ZC3H12C: variants seen among roughly 807,000 people sequenced by gnomAD.
ZC3H12C encodes the protein zinc finger CCCH-type containing 12C.
In ZC3H12C, 20 loss-of-function variants were observed where a neutral mutation model predicts 76.3. That is an observed-to-expected ratio of 0.26 (90% CI 0.18 to 0.38). ZC3H12C has a LOEUF of 0.38. Ranked by LOEUF, ZC3H12C falls within the 10% of genes least tolerant of loss-of-function variation. ZC3H12C has a pLI of 1.00. For missense variants in ZC3H12C, 874 were observed against 1,086.5 expected, an observed-to-expected ratio of 0.80 and a Z score of 2.75; for synonymous variants, 352 against 399.6, an observed-to-expected ratio of 0.88 and a Z score of 1.42.
intron 3 of ZC3H12C, among the ~76,000 whole-genome samples, chr11:110,158,860 G>A (rs1300829623): frequency 1.3e-5 from 2 of 152,160 alleles, no homozygotes; most frequent in East Asian, 3.8e-4. Flanking sequence ...AAAATGTATT[G>A]CTCACACCTG....
At chr11:110,119,455 C>G (rs1861615057) in intron 1 of ZC3H12C, among the ~76,000 whole-genome samples, 1 of 152,142 alleles carries the variant, frequency 6.6e-6, no homozygotes, top group Non-Finnish European at 1.5e-5. Context: ...GCTTGAGAAG[C>G]ATTGTCTTCT....
At position 110,165,199 on chromosome 11, in the gene ZC3H12C, A is replaced by C. The variant is rs1591488939; in HGVS notation, c.2114A>C (p.His705Pro). Residue 705 changes from histidine to proline, a missense_variant, in exon 6 of 6, where the codon CAC becomes CCC. Physicochemically the swap from His to Pro is moderately conservative, Grantham distance 77 (BLOSUM62 -2). Around this residue, in one of 3 missense-constraint regions of ZC3H12C, gnomAD observed 395 missense variants for 434.4 expected, o/e 0.91. Transcript: ENST00000278590. ...PKFHHKPPLP[H>P]LALHLPHSAV... ...TTCCATCACAAGCCTCCTCTTCCGC[A>C]CCTGGCTCTGCACCTGCCGCACTCC... is the stretch of plus-strand genomic sequence containing the variant. 1 of 1,613,848 alleles carries C rather than the reference A, an allele frequency of 6.2e-7. No homozygotes were observed. Among genetic ancestry groups the C allele is most frequent in the Non-Finnish European group, 8.5e-7 (1 of 1,179,874 alleles).
At chr11:110,139,869 C>CTTTTTTTTTTTTT (rs58867910) in intron 2 of ZC3H12C, among the ~76,000 whole-genome samples, 1 of 131,528 alleles carries the variant, frequency 7.6e-6, no homozygotes, top group Non-Finnish European at 1.6e-5. Flanking sequence ...CATATATTTT[C>CTTTTTTTTTTTTT]TTTTTTTTTT....
At chr11:110,123,730 T>C (rs1372150879) in intron 1 of ZC3H12C, among the ~76,000 whole-genome samples, 1 of 152,216 alleles carries the variant, frequency 6.6e-6, no homozygotes, top group Non-Finnish European at 1.5e-5. Context: ...TTCTTAGTAG[T>C]TCTTTATAAC....
At chr11:110,099,811 C>CA (rs34997254) in intron 1 of ZC3H12C, among the ~76,000 whole-genome samples, 5,104 of 127,774 alleles carry the variant, frequency 0.04, 176 homozygotes, top group African/African-American at 0.096. Context: ...GACTCCATCT[C>CA]AAAAAAAAAA....
chr11:110,160,443 AT>A (rs1862459095), intron 4 of ZC3H12C, among the ~76,000 whole-genome samples: 1 of 152,136 alleles, frequency 6.6e-6, no homozygotes, highest in East Asian at 1.9e-4. Flanking sequence ...AGCTTAAAAC[AT>A]TGTACAACTG....
At chr11:110,128,108 C>T (rs1861786638) in intron 1 of ZC3H12C, among the ~76,000 whole-genome samples, 1 of 145,394 alleles carries the variant, frequency 6.9e-6, no homozygotes, top group Non-Finnish European at 1.5e-5. Context: ...GTATAATACT[C>T]CTAAAACTAC....
chr11:110,098,752 A>G lies in ZC3H12C; in HGVS notation c.21+5320A>G, dbSNP rs570283895. 3.9e-5 allele frequency among the ~76,000 whole-genome samples: 6 copies of G among 152,362 alleles called. No homozygotes were observed. The East Asian group carries it at 7.7e-4, about 20-fold the overall frequency. On this transcript the variant is annotated intron_variant, in intron 1 of 5. Coordinates refer to ENST00000278590, the MANE Select transcript of ZC3H12C (RefSeq NM_033390.2). Reference sequence around the variant, plus strand: ...GCCCCAGAGCCATAGGCTATACCATATAGCCTAGGAGTGTAGTAGGCTGTA... The same window carrying G: ...GCCCCAGAGCCATAGGCTATACCATGTAGCCTAGGAGTGTAGTAGGCTGTA...
chr11:110,094,576 G>T (rs990056048), intron 1 of ZC3H12C, among the ~76,000 whole-genome samples: 2 of 152,190 alleles, frequency 1.3e-5, no homozygotes, highest in Admixed American at 6.5e-5. Context: ...ATGGACTTAG[G>T]ATTTAGAGGG....
intron 2 of ZC3H12C, among the ~76,000 whole-genome samples, chr11:110,148,340 T>C (rs1297692023): frequency 6.6e-6 from 1 of 152,216 alleles, no homozygotes; most frequent in African/African-American, 2.4e-5. Context: ...AAAAGAAGCC[T>C]TTTATTTTTA....
At chr11:110,131,256 G>A (rs1861860636) in intron 1 of ZC3H12C, 1 of 685,722 alleles carries the variant, frequency 1.5e-6, no homozygotes, top group East Asian at 2.7e-5. Flanking sequence ...AGTTATTTTT[G>A]TGAAATATGT....
At chr11:110,094,449 C>T (rs1336368471) in intron 1 of ZC3H12C, among the ~76,000 whole-genome samples, 1 of 152,142 alleles carries the variant, frequency 6.6e-6, no homozygotes, top group Non-Finnish European at 1.5e-5. Flanking sequence ...TTGAGTTTTT[C>T]CACTTTTAAA....
At chr11:110,121,087 T>G (rs1326731250) in intron 1 of ZC3H12C, among the ~76,000 whole-genome samples, 1 of 152,190 alleles carries the variant, frequency 6.6e-6, no homozygotes, top group South Asian at 2.1e-4. Flanking sequence ...AAGTAACATC[T>G]CTAGGTGGGA....
At chr11:110,131,855 A>G (rs1191521583) in intron 1 of ZC3H12C, 1 of 152,254 alleles carries the variant, frequency 6.6e-6, no homozygotes, top group African/African-American at 2.4e-5. Context: ...GAACATATGC[A>G]TAAGTCTATT....
At chr11:110,124,589 A>G (rs1461260607) in intron 1 of ZC3H12C, among the ~76,000 whole-genome samples, 1 of 152,346 alleles carries the variant, frequency 6.6e-6, no homozygotes, top group East Asian at 1.9e-4. Flanking sequence ...GCTTTATGGA[A>G]AAAATAAGTC....
intron 3 of ZC3H12C, among the ~76,000 whole-genome samples, chr11:110,157,584 C>T (rs1220519319): frequency 2.0e-5 from 3 of 151,996 alleles, no homozygotes; most frequent in South Asian, 2.1e-4. Context: ...TACAGGTGTG[C>T]ACCATCACAC....
At chr11:110,138,242 T>G (rs902628746) in intron 2 of ZC3H12C, among the ~76,000 whole-genome samples, 3 of 152,088 alleles carry the variant, frequency 2.0e-5, no homozygotes, top group African/African-American at 7.2e-5. Flanking sequence ...AAAAGATATG[T>G]GTATAAAAGC....
Position 110,159,350 on chromosome 11 carries a change from C to T in ZC3H12C, c.1008C>T (p.Asp336=). 6.2e-7 allele frequency: 1 copy of T among 1,614,010 alleles called. No individual in the cohort carries two copies. The highest frequency in any genetic ancestry group is 8.5e-7 in the Non-Finnish European group (1 of 1,179,992). The change falls in exon 4 of 6, where the codon GAC becomes GAT. Residue 336 remains aspartate (D), a synonymous_variant. Transcript: ENST00000278590. ...VQGRRVVCYD[D]RFIVKLAFES... ...GGAGGAGAGTGGTGTGCTATGACGACAGGTTCATCGTGAAGCTGGCTTTTG... is the reference window on the plus strand; with the variant it reads ...GGAGGAGAGTGGTGTGCTATGACGATAGGTTCATCGTGAAGCTGGCTTTTG...
chr11:110,102,619 A>T (rs1432914182), intron 1 of ZC3H12C, among the ~76,000 whole-genome samples: 1 of 152,220 alleles, frequency 6.6e-6, no homozygotes, highest in Non-Finnish European at 1.5e-5. Flanking sequence ...TTGACAAAGC[A>T]GTGGCAAGGT....
Sources: allele counts gnomAD v4.1 joint callset (sites outside exome capture counted in the v4.1 genomes callset), GRCh38; gene constraint gnomAD v4.1.1; regional missense constraint gnomAD v4.1.1; transcripts MANE v1.5; gene names NCBI Gene and HGNC (gene_info 2026-07-23, HGNC 2026-07-21).